The following PFKFB3 variants were observed in gnomAD, a reference collection of about 807,000 sequenced individuals.
The protein encoded by PFKFB3 is 6-phosphofructo-2-kinase/fructose-2,6-bisphosphatase 3.
PFKFB3 carries 33 observed loss-of-function variants against 68.0 expected under a neutral mutation model. The ratio of observed to expected loss-of-function variants is 0.49; its 90% CI spans 0.37 to 0.65. The LOEUF (loss-of-function observed/expected upper bound fraction) is 0.65. Among genes scored for constraint, PFKFB3 ranks in the 30% least tolerant of loss-of-function variants. PFKFB3 has a pLI of 0.00. For missense variants in PFKFB3, 586 were observed against 712.2 expected (o/e 0.82, Z 2.02); for synonymous variants, 315 against 288.2 (o/e 1.09, Z -0.94).
intron 1 of PFKFB3, among the ~76,000 whole-genome samples, chr10:6,156,057 C>T (rs1382472336): frequency 6.6e-6 from 1 of 151,916 alleles, no homozygotes; most frequent in Non-Finnish European, 1.5e-5. Context: ...GTCTATTATT[C>T]CATCCTGTGT....
chr10:6,210,997 C>T (rs67376774), intron 1 of PFKFB3, among the ~76,000 whole-genome samples: 24,532 of 44,098 alleles, frequency 0.56, 10,947 homozygotes, highest in Middle Eastern at 0.63. Context: ...CGTGAGCCAC[C>T]GTGCCCGGTG....
At chr10:6,221,032 T>C (rs1844920522) in intron 8 of PFKFB3, among the ~76,000 whole-genome samples, 167 bp downstream of exon 8, 1 of 87,626 alleles carries the variant, frequency 1.1e-5, no homozygotes, top group Admixed American at 1.0e-4. Context: ...CATATCTGTG[T>C]GCATCTCTGT....
At chr10:6,165,534 A>G (rs977470905) in intron 1 of PFKFB3, among the ~76,000 whole-genome samples, 3 of 152,262 alleles carry the variant, frequency 2.0e-5, no homozygotes, top group Non-Finnish European at 4.4e-5. Flanking sequence ...GGAGAATTTC[A>G]GGTCAGTTAC....
the PFKFB3 span, among the ~76,000 whole-genome samples, chr10:6,268,060 G>A: frequency 1.3e-5 from 2 of 151,896 alleles, no homozygotes; most frequent in South Asian, 2.1e-4. Flanking sequence ...GTGCGACGGA[G>A]CAGTTCTCAT....
intron 6 of PFKFB3, among the ~76,000 whole-genome samples, chr10:6,219,213 G>A (rs552788252): frequency 1.3e-5 from 2 of 152,364 alleles, no homozygotes; most frequent in African/African-American, 2.4e-5. Context: ...GGAGCATTGC[G>A]GATCCTCACG....
At chr10:6,164,868 C>A (rs1049655962) in intron 1 of PFKFB3, among the ~76,000 whole-genome samples, 6 of 152,146 alleles carry the variant, frequency 3.9e-5, no homozygotes, top group African/African-American at 1.2e-4. Flanking sequence ...GCCAGCATAT[C>A]GCCTACAGCC....
chr10:6,182,911 G>A (rs977162007), intron 1 of PFKFB3, among the ~76,000 whole-genome samples: 1 of 152,202 alleles, frequency 6.6e-6, no homozygotes, highest in Non-Finnish European at 1.5e-5. Flanking sequence ...GCTTCACAGA[G>A]GGTCAGCTGG....
At chr10:6,285,775 T>G in the PFKFB3 span, among the ~76,000 whole-genome samples, 1 of 152,206 alleles carries the variant, frequency 6.6e-6, no homozygotes, top group Admixed American at 6.5e-5. Context: ...TGAATTTAAC[T>G]ATTTTAGATA....
intron 1 of PFKFB3, among the ~76,000 whole-genome samples, chr10:6,210,048 G>GGTGTGCCCCTCTCTTGTTCT (rs1294381155): frequency 2.4e-5 from 3 of 122,856 alleles, no homozygotes; most frequent in Non-Finnish European, 6.0e-5. Context: ...CACCGTGCCC[G>GGTGTGCCCCTCTCTTGTTCT]GCCTAATACT....
chr10:6,229,984 C>T lies in PFKFB3; in HGVS notation c.1516-2911C>T, dbSNP rs1322628505. On this transcript the variant is annotated intron_variant, in intron 14 of 14. Coordinates refer to ENST00000379775, the MANE Select transcript of PFKFB3 (RefSeq NM_004566.4). This position sits in a 1 kb window ranked among gnomAD's most constrained non-coding sequence, Gnocchi z 4.3. ...GGCCCGCCTCTCAGTGGGCTATGGA[C>T]TGGGTACTGGTCCACAGCCCAGGGG... Among the ~76,000 whole-genome samples, 1 of 152,128 alleles carries T rather than the reference C, an allele frequency of 6.6e-6. No individual in the cohort carries two copies. Among genetic ancestry groups the T allele is most frequent in the Non-Finnish European group, 1.5e-5 (1 of 67,988 alleles).
downstream of PFKFB3, among the ~76,000 whole-genome samples, chr10:6,238,470 G>A (rs1312229943): frequency 4.0e-4 from 46 of 115,938 alleles, no homozygotes; most frequent in Non-Finnish European, 6.7e-5. Flanking sequence ...TGGCTGAGGT[G>A]CCATCTCAAA....
the PFKFB3 span, among the ~76,000 whole-genome samples, chr10:6,318,648 T>C: frequency 6.6e-6 from 1 of 152,242 alleles, no homozygotes; most frequent in Admixed American, 6.5e-5. Flanking sequence ...TTCTCGTGAC[T>C]GATGTTATTT....
At chr10:6,287,048 A>G in the PFKFB3 span, among the ~76,000 whole-genome samples, 1 of 152,186 alleles carries the variant, frequency 6.6e-6, no homozygotes, top group Non-Finnish European at 1.5e-5. Flanking sequence ...TAGACTGCAT[A>G]TACAATGGTG....
At chr10:6,262,469 A>G in the PFKFB3 span, among the ~76,000 whole-genome samples, 109 of 121,720 alleles carry the variant, frequency 9.0e-4, 6 homozygotes, top group East Asian at 2.5e-3. Context: ...AAAAAAAAAA[A>G]AAAAAAAAAA....
rs1171274075 is a variant in PFKFB3, at chr10:6,231,863, G to GC, written c.1516-1031dup. ...CCCGGTGGGCACCCATCACCTCCTG[G>GC]CGGGCACCCATCACCTCTCGGCGGG... On this transcript the variant is annotated intron_variant, in intron 14 of 14. Transcript: ENST00000379775. Among the ~76,000 whole-genome samples the GC allele has an allele frequency of 3.3e-5, 5 of 150,848 alleles. No homozygotes were observed. In the East Asian group the frequency reaches 9.8e-4, roughly 29 times the overall value.
chr10:6,183,842 C>T (rs1447921377), intron 1 of PFKFB3, among the ~76,000 whole-genome samples: 7 of 151,228 alleles, frequency 4.6e-5, no homozygotes, highest in Admixed American at 6.6e-5. Flanking sequence ...CAACTGCCAC[C>T]ACGCCCGGCT....
At chr10:6,239,698 G>A (rs1188795697), downstream of PFKFB3, among the ~76,000 whole-genome samples, 1 of 152,062 alleles carries the variant, frequency 6.6e-6, no homozygotes. Context: ...TTTTGAGAGA[G>A]GGTCTTGCTC....
Position 6,210,330 on chromosome 10 carries a change from CTCTTTGTTTTTT to C in PFKFB3, c.77-3291_77-3280del, listed in dbSNP as rs1201793334. 4.0e-4 allele frequency among the ~76,000 whole-genome samples: 23 copies of C among 56,986 alleles called. 4 individuals carry two copies. Among genetic ancestry groups the C allele is most frequent in the Middle Eastern group, 0.019 (2 of 106 alleles). The allele number at this position is 56,986 out of a possible 152,430, so 37.4% of individuals were successfully genotyped here. A position where few individuals can be genotyped will look rare whatever the true frequency, so the allele number is the denominator to read the frequency against. On this transcript the variant is annotated intron_variant, in intron 1 of 14. Transcript: ENST00000379775. Reference sequence around the variant, plus strand: ...AGGTGCAAACACCTCAGGCGCCCCTCTCTTTGTTTTTTTTTGTTTTTTTTTGTTTTTTTGTTT... The same window carrying C: ...AGGTGCAAACACCTCAGGCGCCCCTCTTTGTTTTTTTTTGTTTTTTTGTTT...
intron 11 of PFKFB3, among the ~76,000 whole-genome samples, chr10:6,223,752 G>T (rs1479229578): frequency 6.6e-6 from 1 of 152,180 alleles, no homozygotes; most frequent in Non-Finnish European, 1.5e-5. Context: ...GAGTAGCTGG[G>T]ATTATACGCA....
Sources: gnomAD v4.1 joint callset for allele counts (sites outside exome capture counted in the v4.1 genomes callset) on GRCh38, gnomAD v4.1.1 for gene constraint, Gnocchi (gnomAD v3.1) non-coding constraint, MANE v1.5 for transcripts, NCBI Gene and HGNC (gene_info 2026-07-23, HGNC 2026-07-21) for gene names.